PDE4B: variants seen among roughly 807,000 people sequenced by gnomAD.
PDE4B encodes the protein phosphodiesterase 4B.
A neutral mutation model predicts 82.2 loss-of-function variants in PDE4B; 20 were observed. That is an observed-to-expected ratio of 0.24 (90% CI 0.17 to 0.35). The LOEUF is 0.35. Ranked by LOEUF, PDE4B falls within the 10% of genes least tolerant of loss-of-function variation. The pLI, the probability that PDE4B is intolerant of heterozygous loss-of-function variation, is 1.00. For synonymous variants in PDE4B, 320 were observed against 318.9 expected (o/e 1.00, Z -0.04); for missense variants, 655 against 907.2 (o/e 0.72, Z 3.57).
intron 1 of PDE4B, among the ~76,000 whole-genome samples, chr1:65,859,980 G>A (rs914390940): frequency 2.0e-5 from 3 of 152,268 alleles, no homozygotes; most frequent in African/African-American, 4.8e-5. Flanking sequence ...CTTTGATTGG[G>A]TAGAGCTAAT....
intron 3 of PDE4B, among the ~76,000 whole-genome samples, chr1:66,052,364 G>C (rs1655075586): frequency 6.6e-6 from 1 of 152,200 alleles, no homozygotes; most frequent in South Asian, 2.1e-4. Flanking sequence ...CAGAATCTTA[G>C]TGACTAAGGA....
At chr1:65,982,984 T>C (rs993405053) in intron 3 of PDE4B, among the ~76,000 whole-genome samples, 5 of 152,182 alleles carry the variant, frequency 3.3e-5, no homozygotes, top group African/African-American at 9.6e-5. Flanking sequence ...TGGCCACTAA[T>C]GCTCAGGTTC....
chr1:65,863,813 C>T lies in PDE4B; in HGVS notation c.-70-49432C>T, dbSNP rs1448219058. On this transcript the variant is annotated intron_variant, in intron 1 of 16. Transcript: ENST00000341517. Reference sequence around the variant, plus strand: ...CAGTTAAAGTCTGTTTTATCAGAGACTAGGATTGCAACCCCTGCTTTTTTG... The same window carrying T: ...CAGTTAAAGTCTGTTTTATCAGAGATTAGGATTGCAACCCCTGCTTTTTTG... Among the ~76,000 whole-genome samples, 5 of 152,238 alleles carry T rather than the reference C, an allele frequency of 3.3e-5. 1 individual carries two copies. The highest frequency in any genetic ancestry group is 1.2e-4 in the African/African-American group (5 of 41,552).
chr1:65,795,491 C>T (rs1434737677), intron 1 of PDE4B, among the ~76,000 whole-genome samples: 1 of 152,230 alleles, frequency 6.6e-6, no homozygotes, highest in Non-Finnish European at 1.5e-5. Flanking sequence ...TGTGATGTGC[C>T]AAATCGTTCT....
chr1:66,209,655 A>G (rs1046817418), intron 3 of PDE4B, among the ~76,000 whole-genome samples: 5 of 152,228 alleles, frequency 3.3e-5, no homozygotes, highest in Non-Finnish European at 7.3e-5. Flanking sequence ...ATCACTCAGT[A>G]AATTGCTTTG....
intron 3 of PDE4B, among the ~76,000 whole-genome samples, chr1:66,146,284 C>A (rs771138936): frequency 4.7e-5 from 7 of 148,252 alleles, no homozygotes; most frequent in Non-Finnish European, 1.0e-4. Context: ...CCCAGGTTCA[C>A]GCCATTCTCC....
At chr1:65,909,857 T>TA (rs1647067944) in intron 1 of PDE4B, among the ~76,000 whole-genome samples, 1 of 152,180 alleles carries the variant, frequency 6.6e-6, no homozygotes, top group Admixed American at 6.5e-5. Context: ...TTTTTGTCCT[T>TA]ACGCTAGTAG....
At chr1:66,033,302 C>T (rs1309710814) in intron 3 of PDE4B, among the ~76,000 whole-genome samples, 1 of 152,068 alleles carries the variant, frequency 6.6e-6, no homozygotes, top group Non-Finnish European at 1.5e-5. Context: ...TCCTATAAAA[C>T]AATATGAACA....
intron 7 of PDE4B, among the ~76,000 whole-genome samples, chr1:66,319,096 C>T (rs992439186): frequency 6.6e-6 from 1 of 152,208 alleles, no homozygotes; most frequent in African/African-American, 2.4e-5. Flanking sequence ...AACACTTAGA[C>T]TACAAAATAC....
At chr1:66,014,312 A>G (rs1652652125) in intron 3 of PDE4B, among the ~76,000 whole-genome samples, 2 of 152,030 alleles carry the variant, frequency 1.3e-5, no homozygotes, top group African/African-American at 4.8e-5. Flanking sequence ...TAATTTATCT[A>G]CTTTCACTTT....
chr1:66,258,542 A>G (rs1189943060), intron 6 of PDE4B, among the ~76,000 whole-genome samples: 1 of 152,214 alleles, frequency 6.6e-6, no homozygotes, highest in Non-Finnish European at 1.5e-5. Flanking sequence ...CACAAAGGTC[A>G]GAGAGTCATA....
At chr1:66,363,382 T>C in intron 11 of PDE4B, 25 bp from the exon 12 acceptor site, 1 of 1,592,602 alleles carries the variant, frequency 6.3e-7, no homozygotes, top group Non-Finnish European at 8.6e-7. Context: ...TACTTATTTA[T>C]GTTCTAATCC....
At chr1:66,041,821 C>CACACAT (rs1553136758) in intron 3 of PDE4B, among the ~76,000 whole-genome samples, 172 of 81,822 alleles carry the variant, frequency 2.1e-3, no homozygotes, top group African/African-American at 4.5e-3. Flanking sequence ...CACACACACA[C>CACACAT]ACACACATAC....
At position 66,257,481 on chromosome 1, in the gene PDE4B, T is replaced by C. The variant is rs747581434; in HGVS notation, c.477-166T>C. The C allele has an allele frequency of 3.8e-6, 3 of 797,524 alleles. No individual in the cohort carries two copies. In the South Asian group the frequency reaches 4.1e-5, roughly 11 times the overall value. 49.4% of individuals were successfully genotyped at this position (797,524 alleles called of 1,614,324 possible). ...TACTAATTTTTTCCTTTCAAGCTCT[T>C]GGAATACCCTTTCGTGCCAAATTGT... On this transcript the variant is annotated intron_variant, in intron 4 of 16. Coordinates refer to ENST00000341517, the MANE Select transcript of PDE4B (RefSeq NM_002600.4).
At chr1:66,027,467 C>T (rs1183596383) in intron 3 of PDE4B, among the ~76,000 whole-genome samples, 3 of 152,056 alleles carry the variant, frequency 2.0e-5, no homozygotes, top group Admixed American at 1.3e-4. Context: ...TCATTCTGTG[C>T]CTGGCCCCAC....
chr1:66,224,349 C>T (rs1008162095), intron 3 of PDE4B, among the ~76,000 whole-genome samples: 1 of 152,246 alleles, frequency 6.6e-6, no homozygotes, highest in Admixed American at 6.5e-5. Flanking sequence ...AAATTCTGGG[C>T]AAAATTTCGG....
chr1:66,113,231 G>C (rs576691146), intron 3 of PDE4B, among the ~76,000 whole-genome samples: 1 of 152,238 alleles, frequency 6.6e-6, no homozygotes, highest in East Asian at 1.9e-4. Context: ...TGCTTTATTT[G>C]CATTTGGTAT....
chr1:65,841,335 A>T (rs1177468779), intron 1 of PDE4B, among the ~76,000 whole-genome samples: 1 of 151,628 alleles, frequency 6.6e-6, no homozygotes, highest in East Asian at 1.9e-4. Flanking sequence ...GAGAGAGAGA[A>T]AGAAAGAAAA....
Position 66,210,998 on chromosome 1 carries a change from A to C in PDE4B, c.282-36462A>C, listed in dbSNP as rs866392112. On this transcript the variant is annotated intron_variant, in intron 3 of 16. Coordinates refer to ENST00000341517, the MANE Select transcript of PDE4B (RefSeq NM_002600.4). ...GTAGAACAAGAGTAGTGGGCAGCCT[A>C]GAGGTGTGGACCAAAAGCACTTGCC... Among the ~76,000 whole-genome samples the C allele has an allele frequency of 2.8e-4, 42 of 152,222 alleles. 1 individual carries two copies. Among genetic ancestry groups the C allele is most frequent in the African/African-American group, 7.7e-4 (32 of 41,456 alleles).
Sources: gnomAD v4.1 joint callset for allele counts (sites outside exome capture counted in the v4.1 genomes callset) on GRCh38, gnomAD v4.1.1 for gene constraint, MANE v1.5 for transcripts, NCBI Gene and HGNC (gene_info 2026-07-23, HGNC 2026-07-21) for gene names.